The following MAP6 variants were observed in gnomAD, a reference collection of about 807,000 sequenced individuals.
The protein encoded by MAP6 is microtubule-associated protein 6.
A neutral mutation model predicts 42.4 loss-of-function variants in MAP6; 26 were observed. The observed-to-expected ratio is 0.61, with a 90% confidence interval of 0.45 to 0.85. MAP6 has a LOEUF of 0.85. Ranked by LOEUF, MAP6 falls within the 40% of genes least tolerant of loss-of-function variation. The pLI, the probability that MAP6 is intolerant of heterozygous loss-of-function variation, is 0.00. For missense variants in MAP6, 966 were observed against 1,099.0 expected (o/e 0.88, Z 1.71); for synonymous variants, 418 against 443.8 (o/e 0.94, Z 0.73).
intron 3 of MAP6, chr11:75,605,218 C>T: frequency 3.0e-6 from 3 of 985,618 alleles, no homozygotes; most frequent in Non-Finnish European, 3.6e-6. Context: ...GCACACATTT[C>T]TAATGGACGA....
At chr11:75,623,718 C>T (rs1167411155) in intron 1 of MAP6, among the ~76,000 whole-genome samples, 1 of 152,126 alleles carries the variant, frequency 6.6e-6, no homozygotes, top group Non-Finnish European at 1.5e-5. Context: ...CTTTGTCTTA[C>T]GTTTTTTTTG....
intron 1 of MAP6, among the ~76,000 whole-genome samples, chr11:75,630,298 G>A (rs951256306): frequency 6.6e-6 from 1 of 152,134 alleles, no homozygotes; most frequent in African/African-American, 2.4e-5. Flanking sequence ...GCTATGAAGT[G>A]TTCTCTCTTT....
At chr11:75,588,532 G>T (rs1203699550) in intron 3 of MAP6, among the ~76,000 whole-genome samples, 1 of 152,128 alleles carries the variant, frequency 6.6e-6, no homozygotes, top group African/African-American at 2.4e-5. Context: ...TTCCATCCAG[G>T]TCCCTACTTT....
chr11:75,605,454 G>A (rs1403894122), intron 3 of MAP6: 1 of 1,037,762 alleles, frequency 9.6e-7, no homozygotes, highest in Non-Finnish European at 1.2e-6. Flanking sequence ...GATCTGGGAG[G>A]AGGAGACCCC....
chr11:75,593,407 C>T (rs991172594), intron 3 of MAP6, among the ~76,000 whole-genome samples: 1 of 152,220 alleles, frequency 6.6e-6, no homozygotes, highest in Non-Finnish European at 1.5e-5. Flanking sequence ...CAAGGTAATG[C>T]CTCCTGAGTG....
chr11:75,664,967 G>A (rs1307031863), intron 1 of MAP6, among the ~76,000 whole-genome samples: 1 of 151,656 alleles, frequency 6.6e-6, no homozygotes, highest in Non-Finnish European at 1.5e-5. Context: ...ATGTTTCTTA[G>A]CAATAATCAT....
At chr11:75,589,438 C>T (rs148009865) in intron 3 of MAP6, among the ~76,000 whole-genome samples, 29 of 152,340 alleles carry the variant, frequency 1.9e-4, no homozygotes, top group South Asian at 4.1e-4. Flanking sequence ...GGCCCTTGCA[C>T]GCCTACAACA....
intron 1 of MAP6, among the ~76,000 whole-genome samples, chr11:75,625,476 G>A (rs1328704608): frequency 2.0e-5 from 3 of 152,152 alleles, no homozygotes; most frequent in Non-Finnish European, 4.4e-5. Context: ...TGCACCAGAT[G>A]CTGCACAAAC....
chr11:75,612,452 G>A (rs1942915086), intron 1 of MAP6, among the ~76,000 whole-genome samples: 2 of 152,210 alleles, frequency 1.3e-5, no homozygotes, highest in African/African-American at 4.8e-5. Context: ...GCTTAACTCT[G>A]AAGGGGAGTG....
At chr11:75,660,725 A>G (rs915794801) in intron 1 of MAP6, among the ~76,000 whole-genome samples, 2 of 152,174 alleles carry the variant, frequency 1.3e-5, no homozygotes, top group Non-Finnish European at 2.9e-5. Context: ...GAATCAAACT[A>G]TGTTGTCCCT....
intron 1 of MAP6, among the ~76,000 whole-genome samples, chr11:75,623,254 C>T (rs1565265996): frequency 6.6e-6 from 1 of 152,132 alleles, no homozygotes; most frequent in Non-Finnish European, 1.5e-5. Flanking sequence ...ATGATTCCAA[C>T]TATATGAAAA....
At chr11:75,645,669 C>CAAAAAAAAAAAAAAAAAAAAAAAAAAGT (rs1943542595) in intron 1 of MAP6, among the ~76,000 whole-genome samples, 7 of 151,904 alleles carry the variant, frequency 4.6e-5, no homozygotes, top group African/African-American at 1.2e-4. Flanking sequence ...GTTTAAAAAG[C>CAAAAAAAAAAAAAAAAAAAAAAAAAAGT]TTAAAGACTT....
chr11:75,662,962 C>T (rs1397236299), intron 1 of MAP6, among the ~76,000 whole-genome samples: 1 of 133,146 alleles, frequency 7.5e-6, no homozygotes, highest in East Asian at 2.2e-4. Flanking sequence ...AGGATTTGTA[C>T]TTTTTTTTTT....
At chr11:75,656,292 T>C (rs1011159267) in intron 1 of MAP6, among the ~76,000 whole-genome samples, 3 of 152,218 alleles carry the variant, frequency 2.0e-5, no homozygotes, top group Non-Finnish European at 2.9e-5. Flanking sequence ...GCTTGAGGTT[T>C]GGGCACAATT....
chr11:75,610,299 C>T (rs1351209379), intron 1 of MAP6, among the ~76,000 whole-genome samples: 3 of 152,232 alleles, frequency 2.0e-5, no homozygotes, highest in Non-Finnish European at 4.4e-5. Context: ...AGAACCAAAT[C>T]GTCTTGTTTT....
At chr11:75,645,709 A>T (rs1160318811) in intron 1 of MAP6, among the ~76,000 whole-genome samples, 1 of 152,244 alleles carries the variant, frequency 6.6e-6, no homozygotes, top group Admixed American at 6.5e-5. Context: ...GTGAAACAAT[A>T]GGACATGATG....
intron 2 of MAP6, among the ~76,000 whole-genome samples, chr11:75,606,716 C>T (rs1020231472): frequency 2.0e-5 from 3 of 152,250 alleles, no homozygotes; most frequent in East Asian, 1.9e-4. Flanking sequence ...CTAGGCTTTC[C>T]ACTGCCAGCA....
rs191901307 is a variant in MAP6, at chr11:75,634,941, G to A, written c.906-26619C>T. On this transcript the variant is annotated intron_variant, in intron 1 of 3. Coordinates refer to ENST00000304771, the MANE Select transcript of MAP6 (RefSeq NM_033063.2). ...TACTAATGAGGTAATTACCAACATT[G>A]TAATTATTGTATAATTACTAGGGGA... Among the ~76,000 whole-genome samples the A allele has an allele frequency of 1.9e-4, 29 of 152,264 alleles. 1 individual carries two copies. The highest frequency in any genetic ancestry group is 6.8e-3 in the Middle Eastern group (2 of 294).
chr11:75,667,684 T>C lies in MAP6; in HGVS notation c.686A>G (p.Lys229Arg). 1 of 1,274,868 alleles carries C rather than the reference T, an allele frequency of 7.8e-7. No homozygotes were observed. The highest frequency in any genetic ancestry group is 2.8e-5 in the South Asian group (1 of 36,190). 79.0% of individuals were successfully genotyped at this position (1,274,868 alleles called of 1,614,324 possible). A position where few individuals can be genotyped will look rare whatever the true frequency, so the allele number is the denominator to read the frequency against. The stretch of plus-strand genomic sequence containing the variant: ...GTCGCGCTCGTCCGCCCCGGACGCC[T>C]TTCCGGCCGCCAGGCCACCCGCTCC... ...PGGAGGLAAG[K>R]ASGADERDTR... The change falls in exon 1 of 4, where the codon AAG (lysine) becomes AGG (arginine). Residue 229 changes from lysine (K) to arginine (R), a missense_variant. Transcript: ENST00000304771. The surrounding 1 kb of genome is among the most constrained non-coding windows in gnomAD (Gnocchi z 5.6).
Sources: allele counts gnomAD v4.1 joint callset (sites outside exome capture counted in the v4.1 genomes callset), GRCh38; gene constraint gnomAD v4.1.1; non-coding constraint Gnocchi (gnomAD v3.1); transcripts MANE v1.5; gene names NCBI Gene and HGNC (gene_info 2026-07-23, HGNC 2026-07-21).